Variants in MIB1 observed in about 807,000 individuals in gnomAD.
The protein encoded by MIB1 is MIB E3 ubiquitin protein ligase 1.
A neutral mutation model predicts 124.5 loss-of-function variants in MIB1; 278 were observed. The ratio of observed to expected loss-of-function variants is 2.23; its 90% CI spans 2.02 to 2.47. The LOEUF (loss-of-function observed/expected upper bound fraction) is 2.47, where lower values mean the gene tolerates loss of function less well. MIB1 is among the 30% of genes most tolerant of loss of function. The probability of loss-of-function intolerance (pLI) is 0.00; values close to 1 mark genes in which losing one functional copy is unlikely to be tolerated. For synonymous variants in MIB1, 446 were observed against 429.4 expected, an observed-to-expected ratio of 1.04 and a Z score of -0.48; for missense variants, 957 against 1,254.4, an observed-to-expected ratio of 0.76 and a Z score of 3.58.
intron 2 of MIB1, among the ~76,000 whole-genome samples, chr18:21,768,356 A>G (rs965462385): frequency 6.6e-6 from 1 of 152,158 alleles, no homozygotes; most frequent in Non-Finnish European, 1.5e-5. Flanking sequence ...AGTGTAACAC[A>G]CTTTACTCCT....
At chr18:21,847,707 A>G (rs999897538) in intron 16 of MIB1, among the ~76,000 whole-genome samples, 3 of 152,146 alleles carry the variant, frequency 2.0e-5, no homozygotes, top group African/African-American at 7.2e-5. Context: ...CACAAACTGT[A>G]GCACCCTGCT....
chr18:21,815,905 C>T (rs182034825), intron 11 of MIB1, 92 bp downstream of exon 11: 22 of 1,119,136 alleles, frequency 2.0e-5, no homozygotes, highest in African/African-American at 6.3e-5. Flanking sequence ...CCTTTGTTAC[C>T]GTTCTCATAT....
At chr18:21,828,506 T>A (rs1046046870) in intron 12 of MIB1, 1 of 151,978 alleles carries the variant, frequency 6.6e-6, no homozygotes, top group Non-Finnish European at 1.5e-5. Flanking sequence ...TCCTCTAATA[T>A]TAATTATACA....
At chr18:21,735,954 GCT>G, upstream of MIB1, among the ~76,000 whole-genome samples, 1 of 152,232 alleles carries the variant, frequency 6.6e-6, no homozygotes, top group Non-Finnish European at 1.5e-5. Flanking sequence ...TACAGCTTCA[GCT>G]TACTTAAACG....
rs114804438 is a variant in MIB1 at position 21,815,364 on chromosome 18, C to G, written c.1480-252C>G. Among the ~76,000 whole-genome samples, 463 of 151,896 alleles carry G rather than the reference C, an allele frequency of 3.0e-3. 2 individuals carry two copies. The highest frequency in any genetic ancestry group is 0.011 in the African/African-American group (441 of 41,422). On this transcript the variant is annotated intron_variant, in intron 10 of 20. Coordinates refer to ENST00000261537, the MANE Select transcript of MIB1 (RefSeq NM_020774.4). ...TACAAGACAGGATCTTGCTATGTTG[C>G]CCAGATTGGTATTGTTGGAAATCTT...
At chr18:21,834,968 A>G (rs958259419) in intron 12 of MIB1, among the ~76,000 whole-genome samples, 1 of 152,218 alleles carries the variant, frequency 6.6e-6, no homozygotes, top group African/African-American at 2.4e-5. Flanking sequence ...TAGCTTTGCA[A>G]TGTTCTATAA....
chr18:21,781,845 G>A (rs1308118425), intron 6 of MIB1, among the ~76,000 whole-genome samples: 2 of 151,972 alleles, frequency 1.3e-5, no homozygotes, highest in Non-Finnish European at 2.9e-5. Context: ...TTACATTTCT[G>A]TGGTATCATT....
intron 6 of MIB1, among the ~76,000 whole-genome samples, chr18:21,789,397 T>C (rs1438037259): frequency 1.3e-5 from 2 of 152,186 alleles, no homozygotes; most frequent in Non-Finnish European, 2.9e-5. Context: ...CTTGATTACA[T>C]ATGTAAAGTC....
intron 9 of MIB1, among the ~76,000 whole-genome samples, chr18:21,800,379 A>G (rs375282000): frequency 5.9e-5 from 9 of 151,958 alleles, no homozygotes; most frequent in African/African-American, 9.7e-5. Flanking sequence ...GCAATTTTCA[A>G]TCCTTCTTTT....
At chr18:21,860,098 C>CTTTTTTTTTTT (rs398032096) in intron 20 of MIB1, among the ~76,000 whole-genome samples, 486 of 26,464 alleles carry the variant, frequency 0.018, 117 homozygotes, top group Middle Eastern at 0.077. Context: ...TTCTTTATGT[C>CTTTTTTTTTTT]TTTTTTTTTT....
intron 6 of MIB1, among the ~76,000 whole-genome samples, chr18:21,780,767 C>T (rs1450082415): frequency 6.6e-6 from 1 of 152,056 alleles, no homozygotes; most frequent in Non-Finnish European, 1.5e-5. Flanking sequence ...TTTATCCTTT[C>T]AATCTATTTA....
chr18:21,848,124 C>A (rs2042150616), intron 16 of MIB1, among the ~76,000 whole-genome samples: 1 of 152,154 alleles, frequency 6.6e-6, no homozygotes, highest in South Asian at 2.1e-4. Flanking sequence ...ATATACATTT[C>A]TTTAAGTGTA....
At chr18:21,806,095 G>C (rs954966001) in intron 10 of MIB1, among the ~76,000 whole-genome samples, 1 of 151,562 alleles carries the variant, frequency 6.6e-6, no homozygotes, top group African/African-American at 2.4e-5. Flanking sequence ...TAGAGTTGGG[G>C]TTTCGCCATG....
At chr18:21,790,517 T>C (rs2041489976) in intron 6 of MIB1, among the ~76,000 whole-genome samples, 1 of 152,164 alleles carries the variant, frequency 6.6e-6, no homozygotes, top group South Asian at 2.1e-4. Context: ...TCTTCCAAGA[T>C]GCATTCTTTG....
At chr18:21,776,536 G>A (rs957759150) in intron 4 of MIB1, among the ~76,000 whole-genome samples, 2 of 152,178 alleles carry the variant, frequency 1.3e-5, no homozygotes, top group African/African-American at 4.8e-5. Context: ...AATTTTCACA[G>A]TATACACAAG....
At chr18:21,754,281 C>T (rs185567113) in intron 1 of MIB1, among the ~76,000 whole-genome samples, 1 of 152,358 alleles carries the variant, frequency 6.6e-6, no homozygotes, top group African/African-American at 2.4e-5. Context: ...TTGCTTTCCT[C>T]ATTTTCAGAT....
chr18:21,815,810 C>T lies in MIB1; in HGVS notation c.1674C>T (p.Leu558=), dbSNP rs759736797. The T allele has an allele frequency of 1.9e-6, 3 of 1,613,664 alleles. No individual in the cohort carries two copies. The African/African-American group carries it at 4.0e-5, about 22-fold the overall frequency. The change falls in exon 11 of 21, where the codon CTC becomes CTT. Residue 558 remains leucine (L), a synonymous_variant. Coordinates refer to ENST00000261537, the MANE Select transcript of MIB1 (RefSeq NM_020774.4). ...TLLDFGCHPS[L]QDSEGDTPLH... is the part of the protein sequence containing the mutation. The stretch of plus-strand genomic sequence containing the variant: ...TGGACTTTGGCTGTCATCCCAGTCT[C>T]CAGGTAAAACCTTTAAAGAAACACA...
In MIB1 at chr18:21,849,559, A is replaced by G. The variant is rs532771920; in HGVS notation, c.2586+171A>G. On this transcript the variant is annotated intron_variant, in intron 17 of 20. Transcript: ENST00000261537. ...TTATCAGATCAGAATTTCTTATTTT[A>G]TTGCTTGTTTACAGTCTTGCTTATT... Among the ~76,000 whole-genome samples, 3 of 152,254 alleles carry G rather than the reference A, an allele frequency of 2.0e-5. No homozygotes were observed. In the East Asian group the frequency reaches 5.8e-4, roughly 29 times the overall value.
In MIB1 at chr18:21,867,711, T is replaced by C. The variant is rs1166818391; in HGVS notation, c.*3045T>C. 1 of 152,598 alleles carries C rather than the reference T, an allele frequency of 6.6e-6. No homozygotes were observed. The allele number at this position is 152,598 out of a possible 1,614,324, so 9.5% of individuals were successfully genotyped here. On this transcript the variant is annotated 3_prime_UTR_variant, in exon 21 of 21. Transcript: ENST00000261537. ...TAGCCTGTAAGAGCATTTTAGCATA[T>C]TGAAATGCATGCTGCTTAAGATGTG...
Sources: allele counts gnomAD v4.1 joint callset (sites outside exome capture counted in the v4.1 genomes callset), GRCh38; gene constraint gnomAD v4.1.1; transcripts MANE v1.5; gene names NCBI Gene and HGNC (gene_info 2026-07-23, HGNC 2026-07-21).